The following ELAVL2 variants were observed in gnomAD, a reference collection of about 807,000 sequenced individuals.
The protein encoded by ELAVL2 is ELAV-like protein 2.
Under a neutral mutation model 34.6 loss-of-function variants are expected in ELAVL2, and 4 were observed. That is an observed-to-expected ratio of 0.12 (90% CI 0.06 to 0.26). The LOEUF is 0.26. Among genes scored for constraint, ELAVL2 ranks in the 10% least tolerant of loss-of-function variants. The pLI is 1.00. For missense variants in ELAVL2, 432 were observed against 442.8 expected, an observed-to-expected ratio of 0.98 and a Z score of 0.22; for synonymous variants, 193 against 154.8, an observed-to-expected ratio of 1.25 and a Z score of -1.83.
intron 4 of ELAVL2, among the ~76,000 whole-genome samples, chr9:23,703,632 T>C (rs1480139992): frequency 6.6e-6 from 1 of 152,198 alleles, no homozygotes; most frequent in Non-Finnish European, 1.5e-5. Context: ...ATCAACTAAA[T>C]GGATCTTCAC....
chr9:23,771,396 G>A (rs1455571656), intron 1 of ELAVL2, among the ~76,000 whole-genome samples: 3 of 152,042 alleles, frequency 2.0e-5, no homozygotes, highest in Middle Eastern at 6.9e-3. Flanking sequence ...ATGGACAGTT[G>A]TGCCTTAAAA....
intron 3 of ELAVL2, among the ~76,000 whole-genome samples, chr9:23,718,182 C>CT (rs1235027440): frequency 6.6e-6 from 1 of 152,086 alleles, no homozygotes; most frequent in African/African-American, 2.4e-5. Flanking sequence ...AATAGGATTC[C>CT]TCAAACACCC....
At chr9:23,842,154 G>GA in the ELAVL2 span, among the ~76,000 whole-genome samples, 2 of 152,126 alleles carry the variant, frequency 1.3e-5, no homozygotes, top group Non-Finnish European at 2.9e-5. Flanking sequence ...GTGGCTCTTT[G>GA]AAATTTCAGA....
chr9:23,778,641 T>C (rs1226196945), intron 1 of ELAVL2, among the ~76,000 whole-genome samples: 4 of 151,988 alleles, frequency 2.6e-5, no homozygotes, highest in Non-Finnish European at 5.9e-5. Flanking sequence ...TGCTAAAGAG[T>C]ATATGCTTTT....
chr9:23,750,724 G>T (rs986060568), intron 2 of ELAVL2, among the ~76,000 whole-genome samples: 1 of 152,108 alleles, frequency 6.6e-6, no homozygotes, highest in Non-Finnish European at 1.5e-5. Context: ...AAAATGTTTA[G>T]ATACATTTAA....
At position 23,763,672 on chromosome 9, in the gene ELAVL2, T is replaced by A. The variant is rs150128752; in HGVS notation, c.-15-1423A>T. Among the ~76,000 whole-genome samples, 25 of 152,162 alleles carry A rather than the reference T, an allele frequency of 1.6e-4. No homozygotes were observed. The East Asian group carries it at 4.8e-3, about 29-fold the overall frequency. ...AAGGGCACATTAGCAGATAAACATA[T>A]AGGAAGAAATCTCTACTGCCAGGAG... On this transcript the variant is annotated intron_variant, in intron 1 of 6. Coordinates refer to ENST00000397312, the MANE Select transcript of ELAVL2 (RefSeq NM_004432.5).
chr9:23,741,537 A>C (rs1045068185), intron 2 of ELAVL2, among the ~76,000 whole-genome samples: 1 of 149,798 alleles, frequency 6.7e-6, no homozygotes, highest in Non-Finnish European at 1.5e-5. Context: ...CTCTCTAGAC[A>C]CTCCCCCTTA....
intron 6 of ELAVL2, 112 bp from the exon 7 acceptor site, chr9:23,692,996 C>T: frequency 2.1e-6 from 2 of 952,040 alleles, no homozygotes; most frequent in Non-Finnish European, 3.1e-6. Context: ...TAACTCTCCT[C>T]CCCCAACAAA....
At chr9:23,757,366 A>C (rs2053825287) in intron 2 of ELAVL2, among the ~76,000 whole-genome samples, 1 of 152,000 alleles carries the variant, frequency 6.6e-6, no homozygotes, top group Non-Finnish European at 1.5e-5. Flanking sequence ...CATCCAGGTA[A>C]AGCATAAGAT....
intron 3 of ELAVL2, among the ~76,000 whole-genome samples, chr9:23,724,230 AG>A (rs2044501393): frequency 6.6e-6 from 1 of 152,208 alleles, no homozygotes; most frequent in African/African-American, 2.4e-5. Flanking sequence ...TGTGGCTGAC[AG>A]GCAGGAAGTA....
At chr9:23,727,985 A>G (rs1300807562) in intron 3 of ELAVL2, among the ~76,000 whole-genome samples, 3 of 152,140 alleles carry the variant, frequency 2.0e-5, no homozygotes, top group Non-Finnish European at 2.9e-5. Flanking sequence ...ACTTGTATAT[A>G]CTAACCAATC....
intron 5 of ELAVL2, among the ~76,000 whole-genome samples, chr9:23,700,658 C>T (rs915712373): frequency 1.3e-5 from 2 of 152,142 alleles, no homozygotes; most frequent in African/African-American, 4.8e-5. Context: ...ACAGATGCAA[C>T]AGTGACCATA....
intron 2 of ELAVL2, among the ~76,000 whole-genome samples, chr9:23,757,288 C>A (rs747570921): frequency 6.6e-6 from 1 of 152,098 alleles, no homozygotes; most frequent in Non-Finnish European, 1.5e-5. Flanking sequence ...TCTATAAATT[C>A]ATCAGTTGGC....
At chr9:23,821,882 G>A (rs1378955458) in intron 1 of ELAVL2, 1 of 151,348 alleles carries the variant, frequency 6.6e-6, no homozygotes, top group African/African-American at 2.4e-5. Flanking sequence ...GCTTGGAAGA[G>A]CGCCAGGAGG....
chr9:23,729,879 T>C (rs2046132340), intron 3 of ELAVL2, among the ~76,000 whole-genome samples: 2 of 152,102 alleles, frequency 1.3e-5, no homozygotes, highest in Admixed American at 1.3e-4. Flanking sequence ...TCCAGATACC[T>C]GAAAAAAATG....
At chr9:23,765,758 C>G (rs2056102331) in intron 1 of ELAVL2, among the ~76,000 whole-genome samples, 1 of 152,052 alleles carries the variant, frequency 6.6e-6, no homozygotes, top group African/African-American at 2.4e-5. Flanking sequence ...AATAATTGGA[C>G]CGATAAATAG....
chr9:23,700,746 G>T (rs917118402), intron 5 of ELAVL2, among the ~76,000 whole-genome samples: 4 of 152,130 alleles, frequency 2.6e-5, no homozygotes, highest in African/African-American at 9.7e-5. Context: ...ATTTTGAAAA[G>T]GAAGAGAGGA....
intron 2 of ELAVL2, among the ~76,000 whole-genome samples, chr9:23,754,590 C>T (rs1280337602): frequency 6.6e-6 from 1 of 152,054 alleles, no homozygotes; most frequent in East Asian, 1.9e-4. Flanking sequence ...TTGTGAGTAC[C>T]TGGGACTACA....
rs2033958708 is a variant in ELAVL2, at chr9:23,693,493, AAC to A, written c.714-9_714-8del. 6.2e-7 allele frequency: 1 copy of A among 1,614,124 alleles called. No homozygotes were observed. The highest frequency in any genetic ancestry group is 1.3e-5 in the African/African-American group (1 of 75,058). ...ATTGAGCAGATTGTCCAACCTGCAA[AAC>A]ACACATTTAGCAAACTTCAGTTTTT... On this transcript the variant is annotated splice_polypyrimidine_tract_variant and splice_region_variant and intron_variant, in intron 5 of 6. Transcript: ENST00000397312.
Sources: allele counts gnomAD v4.1 joint callset (sites outside exome capture counted in the v4.1 genomes callset), GRCh38; gene constraint gnomAD v4.1.1; transcripts MANE v1.5; gene names NCBI Gene and HGNC (gene_info 2026-07-23, HGNC 2026-07-21).